SRR: variants seen among roughly 807,000 people sequenced by gnomAD.
SRR encodes the protein D-serine ammonia-lyase.
SRR carries 19 observed loss-of-function variants against 32.7 expected under a neutral mutation model. The ratio of observed to expected loss-of-function variants is 0.58; its 90% CI spans 0.40 to 0.85. The LOEUF (loss-of-function observed/expected upper bound fraction) is 0.85. SRR is among the 40% of genes least tolerant of loss of function. The pLI, the probability that SRR is intolerant of heterozygous loss-of-function variation, is 0.00. For missense variants in SRR, 373 were observed against 404.7 expected (o/e 0.92, Z 0.67); for synonymous variants, 142 against 140.9 (o/e 1.01, Z -0.06).
chr17:2,311,451 C>T (rs1284753110), intron 1 of SRR, among the ~76,000 whole-genome samples: 1 of 151,934 alleles, frequency 6.6e-6, no homozygotes, highest in Non-Finnish European at 1.5e-5. Flanking sequence ...GCCTGGGCAA[C>T]ATGGCAAAAC....
Position 2,325,134 on chromosome 17 carries a change from T to C in SRR, c.*1261T>C. ...GGCTATACACTGTTTCACGTAAAAGTTGGAGTTTTCATTGTTCTATTAACA... is the reference window on the plus strand; with the variant it reads ...GGCTATACACTGTTTCACGTAAAAGCTGGAGTTTTCATTGTTCTATTAACA... On this transcript the variant is annotated 3_prime_UTR_variant, in exon 8 of 8. Coordinates refer to ENST00000344595, the MANE Select transcript of SRR (RefSeq NM_021947.3). The C allele has an allele frequency of 1.6e-6, 1 of 618,434 alleles. No individual in the cohort carries two copies. Among genetic ancestry groups the C allele is most frequent in the South Asian group, 2.3e-5 (1 of 43,218 alleles). The allele number at this position is 618,434 out of a possible 1,614,324, so 38.3% of individuals were successfully genotyped here. A position where few individuals can be genotyped will look rare whatever the true frequency, so the allele number is the denominator to read the frequency against.
chr17:2,311,602 A>G (rs1269329117), intron 1 of SRR, among the ~76,000 whole-genome samples: 3 of 152,060 alleles, frequency 2.0e-5, no homozygotes, highest in Non-Finnish European at 4.4e-5. Flanking sequence ...GATCATGCCA[A>G]TGCACTCCAG....
chr17:2,303,449 G>T, upstream of SRR: 1 of 1,305,342 alleles, frequency 7.7e-7, no homozygotes, highest in Non-Finnish European at 9.7e-7. Context: ...GACTGGCCGA[G>T]CCCGACCCCG....
chr17:2,323,066 A>T, intron 6 of SRR, 70 bp from the exon 7 acceptor site: 1 of 1,506,280 alleles, frequency 6.6e-7, no homozygotes, highest in Non-Finnish European at 9.2e-7. Context: ...CACCAGGCCC[A>T]TATTTTCTTT....
At chr17:2,318,133 T>G (rs894438297) in intron 3 of SRR, 137 bp downstream of exon 3, 29 of 1,062,222 alleles carry the variant, frequency 2.7e-5, no homozygotes, top group Non-Finnish European at 3.6e-5. Flanking sequence ...AATATGAACA[T>G]AAGTTTTTTT....
intron 1 of SRR, among the ~76,000 whole-genome samples, chr17:2,307,929 G>C (rs1055700146): frequency 1.3e-5 from 2 of 151,272 alleles, no homozygotes; most frequent in African/African-American, 2.4e-5. Flanking sequence ...TTTAGTTTCT[G>C]TTCTGTGGAA....
Position 2,321,583 on chromosome 17 carries a change from A to C in SRR, c.561A>C (p.Gly187=), listed in dbSNP as rs746329521. The change falls in exon 6 of 8, where the codon GGA becomes GGC. Residue 187 remains glycine, a synonymous_variant. Coordinates refer to ENST00000344595, the MANE Select transcript of SRR (RefSeq NM_021947.3). ...VDALVVPVGG[G]GMLAGIAITV... ...CACTGGTGGTACCTGTAGGTGGAGG[A>C]GGAATGCTTGCTGGAATAGCAATTA... 6.2e-7 allele frequency: 1 copy of C among 1,614,038 alleles called. No individual in the cohort carries two copies. Among genetic ancestry groups the C allele is most frequent in the East Asian group, 2.2e-5 (1 of 44,882 alleles).
rs182201022 is a variant in SRR, at chr17:2,308,697, T to C, written c.-5+4680T>C. 2.1e-3 allele frequency among the ~76,000 whole-genome samples: 319 copies of C among 152,254 alleles called. 1 individual carries two copies. Among genetic ancestry groups the C allele is most frequent in the African/African-American group, 6.8e-3 (283 of 41,554 alleles). On this transcript the variant is annotated intron_variant, in intron 1 of 7. Transcript: ENST00000344595. Reference sequence around the variant, plus strand: ...TTAGCTGGGCATGGTGGCACGCTCCTGTAATCTCAGCTACTTGGGAGGCTG... The same window carrying C: ...TTAGCTGGGCATGGTGGCACGCTCCCGTAATCTCAGCTACTTGGGAGGCTG...
upstream of SRR, chr17:2,303,488 G>A (rs1289768142): frequency 2.3e-6 from 3 of 1,329,016 alleles, no homozygotes; most frequent in African/African-American, 1.5e-5. Context: ...GTAGGGCAGC[G>A]AGGGTCCGCC....
At chr17:2,307,298 G>A in intron 1 of SRR, 1 of 1,101,320 alleles carries the variant, frequency 9.1e-7, no homozygotes, top group Admixed American at 1.7e-5. Flanking sequence ...ATTAGGAAAG[G>A]CCTGTCAAAG....
chr17:2,305,605 G>T (rs4523957), intron 1 of SRR, among the ~76,000 whole-genome samples: 83,446 of 152,094 alleles, frequency 0.55, 24,219 homozygotes, highest in East Asian at 0.69. Flanking sequence ...TGAATTATCA[G>T]ATTTAAAGAA....
At position 2,318,840 on chromosome 17, in the gene SRR, A is replaced by C; in HGVS notation, c.310A>C (p.Ile104Leu). The C allele has an allele frequency of 6.2e-7, 1 of 1,613,104 alleles. No individual in the cohort carries two copies. Among genetic ancestry groups the C allele is most frequent in the Non-Finnish European group, 8.5e-7 (1 of 1,179,436 alleles). The change falls in exon 4 of 8, where the codon ATT becomes CTT. Residue 104 changes from isoleucine (I) to leucine (L), a missense_variant. Physicochemically the swap from Ile to Leu is conservative, Grantham distance 5. Coordinates refer to ENST00000344595, the MANE Select transcript of SRR (RefSeq NM_021947.3). ...TCCTCTCCCAGGAATTCCTGCTTAT[A>C]TTGTGGTGCCCCAGACAGCTCCAGA... is the stretch of plus-strand genomic sequence containing the variant. ...AAKLEGIPAY[I>L]VVPQTAPDCK...
upstream of SRR, chr17:2,303,478 G>A (rs183025777): frequency 9.6e-3 from 12,798 of 1,327,576 alleles, 72 homozygotes; most frequent in Non-Finnish European, 0.011. Context: ...CGCGAGAGAG[G>A]TAGGGCAGCG....
chr17:2,304,006 C>A lies in SRR; in HGVS notation c.-16C>A, dbSNP rs1004488848. 7 of 309,068 alleles carry A rather than the reference C, an allele frequency of 2.3e-5. No individual in the cohort carries two copies. The highest frequency in any genetic ancestry group is 8.8e-4 in the Middle Eastern group (1 of 1,134). The allele number at this position is 309,068 out of a possible 1,614,324, so 19.1% of individuals were successfully genotyped here. ...GAGGCTGGAGCTGGAGGCGCGGCGC[C>A]GGTGAGCTGAGGTGAGGCGAGGCCG... On this transcript the variant is annotated 5_prime_UTR_variant, in exon 1 of 8. Transcript: ENST00000344595.
At chr17:2,306,569 TA>T (rs1267750705) in intron 1 of SRR, among the ~76,000 whole-genome samples, 2 of 151,830 alleles carry the variant, frequency 1.3e-5, no homozygotes, top group Non-Finnish European at 2.9e-5. Context: ...ATACAAAAAC[TA>T]GCCGGGCGTG....
chr17:2,315,733 C>T lies in SRR; in HGVS notation c.168+5C>T. 1.2e-6 allele frequency: 2 copies of T among 1,612,548 alleles called. No individual in the cohort carries two copies. The highest frequency in any genetic ancestry group is 1.7e-6 in the Non-Finnish European group (2 of 1,179,132). On this transcript the variant is annotated splice_donor_5th_base_variant and intron_variant, in intron 2 of 7. Transcript: ENST00000344595. ...CAGAAAACAGGATCTTTTAAGGTAA[C>T]AATCCTTTTTCTCAGTGTATCATGT...
chr17:2,318,207 C>T (rs146394014), intron 3 of SRR, among the ~76,000 whole-genome samples: 230 of 152,120 alleles, frequency 1.5e-3, no homozygotes, highest in Non-Finnish European at 2.7e-3. Context: ...AGCGGTGACG[C>T]GATCTCGGCT....
In SRR at chr17:2,324,851, G is replaced by C. The variant is rs1459246937; in HGVS notation, c.*978G>C. 6.3e-7 allele frequency: 1 copy of C among 1,597,006 alleles called. No homozygotes were observed. Among genetic ancestry groups the C allele is most frequent in the African/African-American group, 1.4e-5 (1 of 74,048 alleles). On this transcript the variant is annotated 3_prime_UTR_variant, in exon 8 of 8. Transcript: ENST00000344595. ...ATTCCTAAAGGACAAAAGCAAAGAA[G>C]CTATTTAGGAATTTACAGGCCAAAG...
rs201045296 is a variant in SRR at position 2,318,894 on chromosome 17, G to A, written c.364G>A (p.Gly122Arg). 126 of 1,613,520 alleles carry A rather than the reference G, an allele frequency of 7.8e-5. No individual in the cohort carries two copies. The highest frequency in any genetic ancestry group is 4.4e-5 in the South Asian group (4 of 91,074). Residue 122 changes from glycine (G) to arginine (R), a missense_variant, in exon 4 of 8, where the codon GGA (glycine) becomes AGA (arginine). By Grantham distance (125) the Gly-to-Arg change is moderately radical (BLOSUM62 -2). Coordinates refer to ENST00000344595, the MANE Select transcript of SRR (RefSeq NM_021947.3). ...TAAAAAACTTGCAATACAAGCCTAC[G>A]GAGCGTCAATTGTATACTGTGAACC... ...DCKKLAIQAY[G>R]ASIVYCEPSD...
Sources: gnomAD v4.1 joint callset for allele counts (sites outside exome capture counted in the v4.1 genomes callset) on GRCh38, gnomAD v4.1.1 for gene constraint, MANE v1.5 for transcripts, NCBI Gene and HGNC (gene_info 2026-07-23, HGNC 2026-07-21) for gene names.